RUNDC3B: variants seen among roughly 807,000 people sequenced by gnomAD.
The protein encoded by RUNDC3B is RUN domain containing 3B.
In RUNDC3B, 33 loss-of-function variants were observed where a neutral mutation model predicts 58.4. The ratio of observed to expected loss-of-function variants is 0.56; its 90% CI spans 0.43 to 0.75. The LOEUF is 0.75. Among genes scored for constraint, RUNDC3B ranks in the 30% least tolerant of loss-of-function variants. RUNDC3B has a pLI of 0.00. For synonymous variants in RUNDC3B, 193 were observed against 195.2 expected, an observed-to-expected ratio of 0.99 and a Z score of 0.10; for missense variants, 501 against 535.7, an observed-to-expected ratio of 0.94 and a Z score of 0.64.
chr7:87,780,267 T>G (rs1834854921), intron 8 of RUNDC3B, among the ~76,000 whole-genome samples: 1 of 152,212 alleles, frequency 6.6e-6, no homozygotes, highest in Non-Finnish European at 1.5e-5. Context: ...GCATTCCCTT[T>G]TCTCCATAGC....
At chr7:87,700,689 T>C (rs1782362208) in intron 3 of RUNDC3B, 135 bp downstream of exon 3, 2 of 753,172 alleles carry the variant, frequency 2.7e-6, no homozygotes, top group Non-Finnish European at 2.1e-6. Flanking sequence ...TGTTCTGTGA[T>C]GTTTCTACAT....
intron 6 of RUNDC3B, among the ~76,000 whole-genome samples, chr7:87,755,472 C>T (rs1398085963): frequency 2.0e-5 from 3 of 152,142 alleles, no homozygotes; most frequent in Non-Finnish European, 2.9e-5. Flanking sequence ...CCTTGATGAA[C>T]ATTATTACAA....
rs143416195 is a variant in RUNDC3B, at chr7:87,750,573, A to G, written c.629+8994A>G. 2.1e-4 allele frequency among the ~76,000 whole-genome samples: 32 copies of G among 152,332 alleles called. No homozygotes were observed. In the East Asian group the frequency reaches 6.2e-3, roughly 29 times the overall value. On this transcript the variant is annotated intron_variant, in intron 6 of 10. Coordinates refer to ENST00000394654, the MANE Select transcript of RUNDC3B (RefSeq NM_001134405.2). ...CTGACTTTTTAATGATTGCCATTCT[A>G]AATGGTGTCAGATGGTATCTCATTG...
At chr7:87,803,763 TC>T (rs1171835196) in intron 8 of RUNDC3B, among the ~76,000 whole-genome samples, 3 of 152,194 alleles carry the variant, frequency 2.0e-5, no homozygotes, top group Non-Finnish European at 4.4e-5. Flanking sequence ...TATATTTTTT[TC>T]GATTGTCATG....
At chr7:87,750,939 C>A (rs1193314794) in intron 6 of RUNDC3B, among the ~76,000 whole-genome samples, 1 of 152,128 alleles carries the variant, frequency 6.6e-6, no homozygotes, top group Non-Finnish European at 1.5e-5. Context: ...GTGTTTTAGA[C>A]ATGAAGTCCT....
intron 4 of RUNDC3B, among the ~76,000 whole-genome samples, chr7:87,729,064 A>G (rs1831423346): frequency 6.6e-6 from 1 of 152,158 alleles, no homozygotes; most frequent in African/African-American, 2.4e-5. Flanking sequence ...CTATCTTATT[A>G]AAGTTTGCTA....
chr7:87,797,213 T>A (rs1835868672), intron 8 of RUNDC3B, among the ~76,000 whole-genome samples: 1 of 152,110 alleles, frequency 6.6e-6, no homozygotes, highest in Non-Finnish European at 1.5e-5. Flanking sequence ...CCTGAATAGA[T>A]TTGGTTAAAT....
intron 3 of RUNDC3B, among the ~76,000 whole-genome samples, chr7:87,701,725 T>C (rs1193165556): frequency 6.6e-6 from 1 of 152,236 alleles, no homozygotes; most frequent in African/African-American, 2.4e-5. Context: ...TCCAACCATA[T>C]ATCTGTGTGA....
At chr7:87,727,614 C>T (rs930620316) in intron 4 of RUNDC3B, among the ~76,000 whole-genome samples, 1 of 151,908 alleles carries the variant, frequency 6.6e-6, no homozygotes, top group Non-Finnish European at 1.5e-5. Flanking sequence ...ATTTCTAAAA[C>T]AAAGATCGAC....
rs544296527 is a variant in RUNDC3B at position 87,784,530 on chromosome 7, G to T, written c.956+6575G>T. Reference sequence around the variant, plus strand: ...TAGTTTGGGCTAGTTTCCTCATTGGGTTTCACAGGCATTGTGTGCTAAAGG... The same window carrying T: ...TAGTTTGGGCTAGTTTCCTCATTGGTTTTCACAGGCATTGTGTGCTAAAGG... On this transcript the variant is annotated intron_variant, in intron 8 of 10. Transcript: ENST00000394654. Among the ~76,000 whole-genome samples, 4 of 152,160 alleles carry T rather than the reference G, an allele frequency of 2.6e-5. No individual in the cohort carries two copies. The South Asian group carries it at 8.3e-4, about 32-fold the overall frequency.
intron 3 of RUNDC3B, among the ~76,000 whole-genome samples, chr7:87,702,391 A>G (rs139486091): frequency 1.3e-3 from 198 of 151,692 alleles, no homozygotes; most frequent in African/African-American, 4.6e-3. Flanking sequence ...TGATCCTCCA[A>G]CCTCAGCTTC....
At chr7:87,754,598 G>A (rs542511019) in intron 6 of RUNDC3B, among the ~76,000 whole-genome samples, 1 of 152,198 alleles carries the variant, frequency 6.6e-6, no homozygotes, top group South Asian at 2.1e-4. Flanking sequence ...GAGCTAAACT[G>A]AAGGAAATCA....
chr7:87,665,079 A>T (rs1409142687), intron 2 of RUNDC3B, among the ~76,000 whole-genome samples: 1 of 152,170 alleles, frequency 6.6e-6, no homozygotes, highest in East Asian at 1.9e-4. Flanking sequence ...ACTCAACATC[A>T]TTCTGGATCT....
At chr7:87,705,815 C>G (rs1428242593) in intron 3 of RUNDC3B, among the ~76,000 whole-genome samples, 4 of 152,158 alleles carry the variant, frequency 2.6e-5, no homozygotes, top group Non-Finnish European at 4.4e-5. Flanking sequence ...AAAAACCACT[C>G]CCAATTGAAT....
chr7:87,739,672 A>C, intron 4 of RUNDC3B, 119 bp from the exon 5 acceptor site: 1 of 427,204 alleles, frequency 2.3e-6, no homozygotes, highest in Non-Finnish European at 4.1e-6. Flanking sequence ...TTTTTTTTAA[A>C]AATACAAATT....
intron 2 of RUNDC3B, among the ~76,000 whole-genome samples, chr7:87,651,558 C>T (rs1031176304): frequency 6.6e-6 from 1 of 152,054 alleles, no homozygotes; most frequent in Non-Finnish European, 1.5e-5. Context: ...TAAGTACTAA[C>T]TTTATCACAT....
intron 4 of RUNDC3B, among the ~76,000 whole-genome samples, chr7:87,722,278 A>C (rs1391872018): frequency 1.3e-5 from 2 of 152,042 alleles, no homozygotes; most frequent in Non-Finnish European, 2.9e-5. Context: ...TATTGTCACC[A>C]TTCTGTACAG....
intron 4 of RUNDC3B, among the ~76,000 whole-genome samples, chr7:87,728,971 G>T (rs1233476068): frequency 3.3e-5 from 5 of 151,890 alleles, no homozygotes; most frequent in Admixed American, 3.3e-4. Context: ...CTATTCATGA[G>T]GGCTGTTTTT....
At chr7:87,748,172 C>A (rs1029378128) in intron 6 of RUNDC3B, among the ~76,000 whole-genome samples, 11 of 152,204 alleles carry the variant, frequency 7.2e-5, no homozygotes, top group Admixed American at 5.9e-4. Flanking sequence ...CTTCCCCTAC[C>A]CCTGTATTTT....
Sources: allele counts gnomAD v4.1 joint callset (sites outside exome capture counted in the v4.1 genomes callset), GRCh38; gene constraint gnomAD v4.1.1; transcripts MANE v1.5; gene names NCBI Gene and HGNC (gene_info 2026-07-23, HGNC 2026-07-21).